Variants in CTNNA3 observed in about 807,000 individuals in gnomAD.
CTNNA3 encodes the protein catenin alpha-3.
A neutral mutation model predicts 95.7 loss-of-function variants in CTNNA3; 76 were observed. The ratio of observed to expected loss-of-function variants is 0.79; its 90% CI spans 0.66 to 0.96. CTNNA3 has a LOEUF of 0.96. CTNNA3 is among the 40% of genes least tolerant of loss of function. The pLI is 0.00. For missense variants in CTNNA3, 1,191 were observed against 1,089.8 expected (o/e 1.09, Z -1.31); for synonymous variants, 431 against 374.4 (o/e 1.15, Z -1.74).
intron 10 of CTNNA3, among the ~76,000 whole-genome samples, chr10:66,605,381 A>G (rs984726674): frequency 6.6e-5 from 10 of 152,284 alleles, no homozygotes; most frequent in East Asian, 1.9e-4. Context: ...CTTGGAAAAC[A>G]TATTTCAGGA....
intron 7 of CTNNA3, among the ~76,000 whole-genome samples, chr10:66,905,817 G>A (rs1014358883): frequency 6.6e-6 from 1 of 152,142 alleles, no homozygotes; most frequent in South Asian, 2.1e-4. Context: ...AATGGTGGTT[G>A]CCAGGCATTG....
At chr10:67,567,226 G>A (rs1704364341) in intron 3 of CTNNA3, among the ~76,000 whole-genome samples, 1 of 145,054 alleles carries the variant, frequency 6.9e-6, no homozygotes, top group Non-Finnish European at 1.5e-5. Context: ...AATAAAACAA[G>A]ACAATAAAAA....
chr10:67,387,945 C>G (rs1196769790), intron 5 of CTNNA3, among the ~76,000 whole-genome samples: 1 of 151,870 alleles, frequency 6.6e-6, no homozygotes, highest in African/African-American at 2.4e-5. Context: ...GTAGATAAAA[C>G]CACAAAGATG....
At chr10:66,709,870 C>T (rs558717707) in intron 9 of CTNNA3, among the ~76,000 whole-genome samples, 21 of 152,094 alleles carry the variant, frequency 1.4e-4, no homozygotes, top group South Asian at 4.2e-4. Flanking sequence ...CAAATCAGAA[C>T]CCTAATGTGT....
intron 9 of CTNNA3, among the ~76,000 whole-genome samples, chr10:66,741,193 T>A (rs909146613): frequency 6.6e-6 from 1 of 152,164 alleles, no homozygotes; most frequent in Non-Finnish European, 1.5e-5. Context: ...ATAAAGGAAG[T>A]CTTCTGGCAC....
chr10:67,036,055 C>G (rs1185819446), intron 7 of CTNNA3, among the ~76,000 whole-genome samples: 1 of 152,136 alleles, frequency 6.6e-6, no homozygotes, highest in South Asian at 2.1e-4. Context: ...CATCTTCTAA[C>G]CTCTTTAGGC....
chr10:66,567,946 T>C (rs1842762474), intron 10 of CTNNA3, among the ~76,000 whole-genome samples: 1 of 152,204 alleles, frequency 6.6e-6, no homozygotes, highest in African/African-American at 2.4e-5. Context: ...CTGACACAGT[T>C]GCAGAGCCAT....
chr10:66,358,040 T>C (rs2092624654), intron 12 of CTNNA3, among the ~76,000 whole-genome samples: 1 of 152,138 alleles, frequency 6.6e-6, no homozygotes. Context: ...TGCATAGACG[T>C]GTTTGTAGTA....
rs114643096 is a variant in CTNNA3, at chr10:66,216,456, T to C, written c.1884+64014A>G. Among the ~76,000 whole-genome samples the C allele has an allele frequency of 3.4e-3, 513 of 152,344 alleles. 2 individuals carry two copies. The highest frequency in any genetic ancestry group is 0.012 in the African/African-American group (494 of 41,580). ...GAACTGGATATGTCAGCCTCTTCCTTTGGCCTCTTAGCCTCCTTAGACTTT... is the reference window on the plus strand; with the variant it reads ...GAACTGGATATGTCAGCCTCTTCCTCTGGCCTCTTAGCCTCCTTAGACTTT... On this transcript the variant is annotated intron_variant, in intron 13 of 17. Transcript: ENST00000433211.
rs375723558 is a variant in CTNNA3, at chr10:67,653,717, G to T, written c.-5-6199C>A. Among the ~76,000 whole-genome samples, 216 of 151,774 alleles carry T rather than the reference G, an allele frequency of 1.4e-3. 7 individuals carry two copies. In the South Asian group the frequency reaches 0.043, roughly 30 times the overall value. Reference sequence around the variant, plus strand: ...GGCATGTCTAACATTATCTTATTTGGGATTATCACCCAAATAAATGGCCAC... The same window carrying T: ...GGCATGTCTAACATTATCTTATTTGTGATTATCACCCAAATAAATGGCCAC... On this transcript the variant is annotated intron_variant, in intron 1 of 17. Transcript: ENST00000433211.
At chr10:66,199,806 T>TATATAA (rs1554887153) in intron 13 of CTNNA3, among the ~76,000 whole-genome samples, 12 of 9,038 alleles carry the variant, frequency 1.3e-3, no homozygotes, top group African/African-American at 5.8e-3. Context: ...TATATATATA[T>TATATAA]TTTTTTTTTT....
intron 11 of CTNNA3, among the ~76,000 whole-genome samples, chr10:66,434,291 CTGTT>C (rs1238413596): frequency 6.6e-6 from 1 of 152,094 alleles, no homozygotes; most frequent in African/African-American, 2.4e-5. Flanking sequence ...GAATGATTTT[CTGTT>C]TGTTTGTGTT....
intron 10 of CTNNA3, among the ~76,000 whole-genome samples, chr10:66,589,109 G>A (rs576664215): frequency 6.6e-6 from 1 of 151,902 alleles, no homozygotes. Flanking sequence ...CTTTTCCCTT[G>A]ATTTACATTG....
chr10:66,935,764 C>T (rs1053263409), intron 7 of CTNNA3, among the ~76,000 whole-genome samples: 7 of 150,826 alleles, frequency 4.6e-5, no homozygotes, highest in Non-Finnish European at 1.0e-4. Flanking sequence ...GTGTTTTATG[C>T]GTTTCGTAAA....
rs562179882 is a variant in CTNNA3 at position 66,301,353 on chromosome 10, C to G, written c.1733-20732G>C. On this transcript the variant is annotated intron_variant, in intron 12 of 17. Coordinates refer to ENST00000433211, the MANE Select transcript of CTNNA3 (RefSeq NM_013266.4). ...GCCATAATTCCCCTATTACCAAAACCAAAGACATTGAAAGAAAGGAAAATT... is the reference window on the plus strand; with the variant it reads ...GCCATAATTCCCCTATTACCAAAACGAAAGACATTGAAAGAAAGGAAAATT... Among the ~76,000 whole-genome samples, 39 of 151,948 alleles carry G rather than the reference C, an allele frequency of 2.6e-4. 1 individual carries two copies. Among genetic ancestry groups the G allele is most frequent in the East Asian group, 1.9e-4 (1 of 5,176 alleles).
intron 13 of CTNNA3, among the ~76,000 whole-genome samples, chr10:66,180,066 C>T (rs990465246): frequency 1.3e-5 from 2 of 152,010 alleles, no homozygotes; most frequent in African/African-American, 2.4e-5. Context: ...GACCTAATGG[C>T]GGCATATTAT....
intron 5 of CTNNA3, among the ~76,000 whole-genome samples, chr10:67,287,017 G>A (rs1839631875): frequency 6.6e-6 from 1 of 152,044 alleles, no homozygotes; most frequent in Non-Finnish European, 1.5e-5. Flanking sequence ...AGCTTCTGCT[G>A]AGCGACTCCA....
chr10:67,560,565 AG>A (rs1841469906), intron 3 of CTNNA3, among the ~76,000 whole-genome samples: 1 of 152,248 alleles, frequency 6.6e-6, no homozygotes, highest in Admixed American at 6.5e-5. Flanking sequence ...GAGGCTAGGA[AG>A]AAACTGCATC....
chr10:67,579,968 G>A (rs1034220897), intron 3 of CTNNA3, among the ~76,000 whole-genome samples: 1 of 152,144 alleles, frequency 6.6e-6, no homozygotes, highest in Admixed American at 6.5e-5. Context: ...TTTGTCAGAT[G>A]GGTAGATTGA....
Sources: allele counts gnomAD v4.1 joint callset (sites outside exome capture counted in the v4.1 genomes callset), GRCh38; gene constraint gnomAD v4.1.1; transcripts MANE v1.5; gene names NCBI Gene and HGNC (gene_info 2026-07-23, HGNC 2026-07-21).